Variants in CDH20 observed in about 807,000 individuals in gnomAD.
CDH20 encodes the protein cadherin 20.
CDH20 carries 29 observed loss-of-function variants against 74.2 expected under a neutral mutation model. That is an observed-to-expected ratio of 0.39 (90% CI 0.29 to 0.53). The LOEUF is 0.53. CDH20 is among the 20% of genes least tolerant of loss of function. CDH20 has a pLI of 0.69. For synonymous variants in CDH20, 469 were observed against 405.4 expected, an observed-to-expected ratio of 1.16 and a Z score of -1.88; for missense variants, 988 against 1,048.3, an observed-to-expected ratio of 0.94 and a Z score of 0.79.
At chr18:61,490,892 C>A in intron 2 of CDH20, 93 bp downstream of exon 2, 2 of 1,352,244 alleles carry the variant, frequency 1.5e-6, no homozygotes, top group Non-Finnish European at 2.1e-6. Flanking sequence ...TATCTGAGAC[C>A]TGAGAAAAAC....
At chr18:61,364,372 G>GC (rs1910794767) in intron 1 of CDH20, among the ~76,000 whole-genome samples, 1 of 152,110 alleles carries the variant, frequency 6.6e-6, no homozygotes, top group Non-Finnish European at 1.5e-5. Flanking sequence ...GAGTGCAATG[G>GC]CGTGATCTTG....
chr18:61,485,214 C>T (rs779431038), intron 1 of CDH20, among the ~76,000 whole-genome samples: 73 of 152,128 alleles, frequency 4.8e-4, no homozygotes, highest in Non-Finnish European at 1.0e-3. Flanking sequence ...TGTAATTCTT[C>T]GATTCTCCAT....
intron 7 of CDH20, 141 bp from the exon 8 acceptor site, chr18:61,536,352 C>A: frequency 1.6e-6 from 1 of 615,466 alleles, no homozygotes; most frequent in Non-Finnish European, 2.8e-6. Flanking sequence ...ACAAATAAAA[C>A]CACGAATGCA....
intron 1 of CDH20, among the ~76,000 whole-genome samples, chr18:61,407,227 G>A (rs12961074): frequency 0.15 from 22,704 of 152,184 alleles, 2,153 homozygotes; most frequent in Middle Eastern, 0.26. Flanking sequence ...CACAGAAATG[G>A]GGAAATAGGG....
chr18:61,534,599 A>G (rs1435059588), intron 7 of CDH20, among the ~76,000 whole-genome samples: 1 of 152,256 alleles, frequency 6.6e-6, no homozygotes, highest in Non-Finnish European at 1.5e-5. Context: ...GTCATTTGCA[A>G]CATGGATGAA....
chr18:61,335,456 C>T (rs1909726249), intron 1 of CDH20, among the ~76,000 whole-genome samples: 3 of 152,146 alleles, frequency 2.0e-5, no homozygotes, highest in South Asian at 4.1e-4. Context: ...GGTCAAGCCT[C>T]CACGCTGGCC....
At chr18:61,447,371 C>A (rs1274886042) in intron 1 of CDH20, among the ~76,000 whole-genome samples, 1 of 152,122 alleles carries the variant, frequency 6.6e-6, no homozygotes, top group African/African-American at 2.4e-5. Context: ...AGTTTATAAT[C>A]CCCCTAAAAC....
chr18:61,402,622 A>G (rs915313316), intron 1 of CDH20, among the ~76,000 whole-genome samples: 1 of 152,200 alleles, frequency 6.6e-6, no homozygotes, highest in Non-Finnish European at 1.5e-5. Context: ...TTAACTATTA[A>G]CTGAAAATAG....
In CDH20 at chr18:61,499,347, C is replaced by T; in HGVS notation, c.408C>T (p.Ala136=). ...CCCAGTATACTCTAAGGGCTCAAGC[C>T]CTAGACAGGCGGACGGGCAGGCCAA... ...ERAQYTLRAQ[A]LDRRTGRPME... The change falls in exon 3 of 12, where the codon GCC becomes GCT. Residue 136 remains alanine, a synonymous_variant. Coordinates refer to ENST00000262717, the MANE Select transcript of CDH20 (RefSeq NM_031891.4). The T allele has an allele frequency of 1.2e-6, 2 of 1,614,042 alleles. No individual in the cohort carries two copies. Among genetic ancestry groups the T allele is most frequent in the Non-Finnish European group, 1.7e-6 (2 of 1,179,994 alleles).
At chr18:61,381,212 G>GA (rs1427195231) in intron 1 of CDH20, among the ~76,000 whole-genome samples, 1 of 152,030 alleles carries the variant, frequency 6.6e-6, no homozygotes, top group Non-Finnish European at 1.5e-5. Flanking sequence ...TTGGAGCTAA[G>GA]AAAAAAGATT....
chr18:61,340,569 G>A (rs974960090), intron 1 of CDH20, among the ~76,000 whole-genome samples: 4 of 152,118 alleles, frequency 2.6e-5, no homozygotes, highest in African/African-American at 9.7e-5. Flanking sequence ...TATATAAATT[G>A]AGCACTAAGT....
chr18:61,546,142 T>C (rs1489101583), intron 10 of CDH20, among the ~76,000 whole-genome samples: 2 of 152,242 alleles, frequency 1.3e-5, no homozygotes, highest in Non-Finnish European at 2.9e-5. Context: ...TTCTTGAGAC[T>C]GCAGTAGCGT....
intron 1 of CDH20, among the ~76,000 whole-genome samples, chr18:61,338,555 G>T (rs1170060344): frequency 6.6e-6 from 1 of 152,110 alleles, no homozygotes; most frequent in African/African-American, 2.4e-5. Context: ...TAAAAGAGAG[G>T]TTATCTGGCC....
chr18:61,506,872 T>G (rs1012872196), intron 5 of CDH20, among the ~76,000 whole-genome samples: 1 of 152,100 alleles, frequency 6.6e-6, no homozygotes, highest in Admixed American at 6.6e-5. Flanking sequence ...CCCCCCTTTA[T>G]AGATCACTGA....
intron 1 of CDH20, among the ~76,000 whole-genome samples, chr18:61,423,700 T>A (rs1568133614): frequency 6.6e-6 from 1 of 152,082 alleles, no homozygotes; most frequent in African/African-American, 2.4e-5. Flanking sequence ...CTTCACCCCA[T>A]AAAAAAATTG....
chr18:61,372,203 C>T (rs1469872885), intron 1 of CDH20, among the ~76,000 whole-genome samples: 1 of 151,952 alleles, frequency 6.6e-6, no homozygotes. Flanking sequence ...ATTTGTCTTT[C>T]CTAGCTCTCT....
At chr18:61,377,252 G>T (rs1911268028) in intron 1 of CDH20, among the ~76,000 whole-genome samples, 1 of 152,116 alleles carries the variant, frequency 6.6e-6, no homozygotes, top group Non-Finnish European at 1.5e-5. Flanking sequence ...TGGAGAAACA[G>T]AATTTCATGA....
chr18:61,554,511 C>T lies in CDH20; in HGVS notation c.2222C>T (p.Pro741Leu). The stretch of plus-strand genomic sequence containing the variant: ...GCCGACATGGACCTGTGGGCACCGC[C>T]CTTCGACTCCCTCCAGACGTATATG... Reference protein sequence around the residue: ...YEADMDLWAPPFDSLQTYMFE... With the variant: ...YEADMDLWAPLFDSLQTYMFE... Residue 741 changes from proline (P) to leucine (L), a missense_variant, in exon 12 of 12, where the codon CCC becomes CTC. Pro to Leu is a moderately conservative substitution (Grantham distance 98). Coordinates refer to ENST00000262717, the MANE Select transcript of CDH20 (RefSeq NM_031891.4). The T allele has an allele frequency of 1.9e-6, 3 of 1,612,884 alleles. No individual in the cohort carries two copies. Among genetic ancestry groups the T allele is most frequent in the Non-Finnish European group, 2.5e-6 (3 of 1,179,796 alleles).
At chr18:61,417,818 T>C (rs1001091798) in intron 1 of CDH20, among the ~76,000 whole-genome samples, 4 of 152,094 alleles carry the variant, frequency 2.6e-5, no homozygotes, top group Non-Finnish European at 5.9e-5. Context: ...ATTGCAGTGT[T>C]CCTAACACAA....
Sources: allele counts gnomAD v4.1 joint callset (sites outside exome capture counted in the v4.1 genomes callset), GRCh38; gene constraint gnomAD v4.1.1; transcripts MANE v1.5; gene names NCBI Gene and HGNC (gene_info 2026-07-23, HGNC 2026-07-21).